PRKN: variants seen among roughly 807,000 people sequenced by gnomAD.
PRKN encodes the protein parkin RBR E3 ubiquitin protein ligase.
PRKN carries 56 observed loss-of-function variants against 59.5 expected under a neutral mutation model. That is an observed-to-expected ratio of 0.94 (90% CI 0.76 to 1.18). PRKN has a LOEUF of 1.18. PRKN is among the 50% of genes most tolerant of loss of function. PRKN has a pLI of 0.00. For missense variants in PRKN, 657 were observed against 596.4 expected, an observed-to-expected ratio of 1.10 and a Z score of -1.06; for synonymous variants, 250 against 222.1, an observed-to-expected ratio of 1.13 and a Z score of -1.12.
intron 4 of PRKN, among the ~76,000 whole-genome samples, chr6:162,174,793 C>T (rs1194390644): frequency 6.6e-6 from 1 of 152,204 alleles, no homozygotes; most frequent in Non-Finnish European, 1.5e-5. Flanking sequence ...TGGTGTTTTA[C>T]AAATTGAATC....
intron 1 of PRKN, among the ~76,000 whole-genome samples, chr6:162,589,574 CTG>C (rs1367940639): frequency 6.7e-6 from 1 of 149,176 alleles, no homozygotes; most frequent in East Asian, 1.9e-4. Context: ...TGTGTTTTTT[CTG>C]TGTTTCAGAT....
At chr6:161,842,466 T>TAAAAAAA (rs61182650) in intron 6 of PRKN, among the ~76,000 whole-genome samples, 73 of 135,800 alleles carry the variant, frequency 5.4e-4, no homozygotes, top group East Asian at 3.1e-3. Flanking sequence ...AATGAGACTC[T>TAAAAAAA]AAAAAAAAAA....
intron 4 of PRKN, among the ~76,000 whole-genome samples, chr6:162,132,748 A>G (rs1429495462): frequency 6.6e-6 from 1 of 152,076 alleles, no homozygotes; most frequent in Non-Finnish European, 1.5e-5. Context: ...GGGCATCTCT[A>G]TCTCTGAAAT....
chr6:162,210,075 A>G (rs1785136909), intron 3 of PRKN, among the ~76,000 whole-genome samples: 3 of 148,678 alleles, frequency 2.0e-5, no homozygotes, highest in Non-Finnish European at 4.4e-5. Flanking sequence ...TATGTTGTGC[A>G]CATGCACCCT....
intron 6 of PRKN, among the ~76,000 whole-genome samples, chr6:161,962,942 C>T (rs975326538): frequency 1.4e-4 from 22 of 151,878 alleles, no homozygotes; most frequent in African/African-American, 4.3e-4. Flanking sequence ...GTCAGGAGTT[C>T]GAGACAAGAC....
intron 10 of PRKN, among the ~76,000 whole-genome samples, chr6:161,384,628 A>G (rs1786147344): frequency 6.6e-6 from 1 of 152,210 alleles, no homozygotes; most frequent in Non-Finnish European, 1.5e-5. Flanking sequence ...AGCAGATGTC[A>G]TCTTGGGCCT....
chr6:162,115,899 T>A (rs1780650869), intron 4 of PRKN, among the ~76,000 whole-genome samples: 1 of 152,234 alleles, frequency 6.6e-6, no homozygotes, highest in Non-Finnish European at 1.5e-5. Flanking sequence ...CCATTTATTT[T>A]AGAGTTTAAA....
At chr6:162,509,948 T>A (rs113596697) in intron 1 of PRKN, among the ~76,000 whole-genome samples, 24 of 152,268 alleles carry the variant, frequency 1.6e-4, no homozygotes, top group African/African-American at 5.8e-4. Context: ...GCAACTCCCA[T>A]TTGGCATGTC....
At chr6:162,582,816 T>G (rs1407778997) in intron 1 of PRKN, among the ~76,000 whole-genome samples, 1 of 152,336 alleles carries the variant, frequency 6.6e-6, no homozygotes, top group East Asian at 1.9e-4. Flanking sequence ...GATATTAAAT[T>G]CAGCAGCAAG....
intron 1 of PRKN, among the ~76,000 whole-genome samples, chr6:162,482,833 A>G (rs1405683609): frequency 6.6e-6 from 1 of 152,154 alleles, no homozygotes; most frequent in African/African-American, 2.4e-5. Context: ...ATCTTGTCCA[A>G]TCTACCTTCC....
At chr6:162,283,155 TCTGGCTA>T (rs1443822279) in intron 2 of PRKN, among the ~76,000 whole-genome samples, 1 of 152,202 alleles carries the variant, frequency 6.6e-6, no homozygotes, top group East Asian at 1.9e-4. Flanking sequence ...TTTTACCCTT[TCTGGCTA>T]CAAGCTCATT....
intron 2 of PRKN, among the ~76,000 whole-genome samples, chr6:162,385,984 T>C (rs1025195182): frequency 1.3e-5 from 2 of 152,156 alleles, no homozygotes; most frequent in Admixed American, 1.3e-4. Flanking sequence ...CAGTATAATC[T>C]TGGAAAAATC....
intron 1 of PRKN, among the ~76,000 whole-genome samples, chr6:162,690,706 C>T (rs889974687): frequency 2.0e-4 from 30 of 152,064 alleles, no homozygotes; most frequent in Non-Finnish European, 4.4e-5. Flanking sequence ...AACAACATGC[C>T]ATTTTCCTCT....
intron 6 of PRKN, among the ~76,000 whole-genome samples, chr6:161,832,983 C>T (rs1165351269): frequency 1.3e-5 from 2 of 152,052 alleles, no homozygotes; most frequent in East Asian, 3.9e-4. Context: ...AGGAGCAGTC[C>T]TAGAGGTATT....
intron 5 of PRKN, among the ~76,000 whole-genome samples, chr6:162,022,679 A>AT (rs1282566521): frequency 6.6e-6 from 1 of 152,070 alleles, no homozygotes; most frequent in African/African-American, 2.4e-5. Context: ...TAGCTTGTCA[A>AT]TTTTTGTTTT....
At chr6:161,511,590 G>T (rs189332532) in intron 9 of PRKN, among the ~76,000 whole-genome samples, 1 of 152,122 alleles carries the variant, frequency 6.6e-6, no homozygotes, top group Admixed American at 6.5e-5. Context: ...CATGACAATT[G>T]ACTGGACACG....
intron 2 of PRKN, among the ~76,000 whole-genome samples, chr6:162,383,671 G>T (rs1368666608): frequency 1.3e-5 from 2 of 152,130 alleles, no homozygotes; most frequent in Non-Finnish European, 2.9e-5. Context: ...TCACAAAAGG[G>T]CAGGCTGTTC....
intron 1 of PRKN, among the ~76,000 whole-genome samples, chr6:162,522,283 C>T (rs995444868): frequency 3.3e-5 from 5 of 152,120 alleles, no homozygotes; most frequent in African/African-American, 1.2e-4. Context: ...ACAACCATGC[C>T]CGGCTAATTT....
chr6:162,272,651 C>T (rs1035644384), intron 2 of PRKN, among the ~76,000 whole-genome samples: 1 of 151,942 alleles, frequency 6.6e-6, no homozygotes, highest in Non-Finnish European at 1.5e-5. Flanking sequence ...CATATACCTC[C>T]GCGATTGCAA....
Sources: gnomAD v4.1 joint callset for allele counts (sites outside exome capture counted in the v4.1 genomes callset) on GRCh38, gnomAD v4.1.1 for gene constraint, MANE v1.5 for transcripts, NCBI Gene and HGNC (gene_info 2026-07-23, HGNC 2026-07-21) for gene names.